The following PAFAH1B2 variants were observed in gnomAD, a reference collection of about 807,000 sequenced individuals.
PAFAH1B2 encodes the protein platelet activating factor acetylhydrolase 1b catalytic subunit 2.
Under a neutral mutation model 28.0 loss-of-function variants are expected in PAFAH1B2, and 8 were observed. That is an observed-to-expected ratio of 0.29 (90% CI 0.17 to 0.52). The LOEUF is 0.52. Among genes scored for constraint, PAFAH1B2 ranks in the 20% least tolerant of loss-of-function variants. PAFAH1B2 has a pLI of 0.97. For synonymous variants in PAFAH1B2, 104 were observed against 103.2 expected, an observed-to-expected ratio of 1.01 and a Z score of -0.05; for missense variants, 190 against 282.6, an observed-to-expected ratio of 0.67 and a Z score of 2.35.
rs1446211711 is a variant in PAFAH1B2 at position 117,170,987 on chromosome 11, T to A, written c.*3288T>A. On this transcript the variant is annotated 3_prime_UTR_variant, in exon 6 of 6. Coordinates refer to ENST00000527958, the MANE Select transcript of PAFAH1B2 (RefSeq NM_002572.4). ...TTTGCTTTGGCAAAGTTTCATTGAC[T>A]AGTAGAACTCATTCTGTTTTAGTGT... The A allele has an allele frequency of 3.8e-6, 4 of 1,048,180 alleles. No homozygotes were observed. In the African/African-American group the frequency reaches 6.7e-5, roughly 17 times the overall value. The allele number at this position is 1,048,180 out of a possible 1,614,324, so 64.9% of individuals were successfully genotyped here.
chr11:117,169,251 C>G lies in PAFAH1B2; in HGVS notation c.*1552C>G, dbSNP rs1417605033. ...GAGGTGTCTTATTAATGTACTTCAT[C>G]TGAGAATTTGTTGATCTTAATGTTC... On this transcript the variant is annotated 3_prime_UTR_variant, in exon 6 of 6. Transcript: ENST00000527958. The G allele has an allele frequency of 9.6e-6, 10 of 1,037,388 alleles. No homozygotes were observed. The East Asian group carries it at 3.6e-4, about 37-fold the overall frequency. The allele number at this position is 1,037,388 out of a possible 1,614,324, so 64.3% of individuals were successfully genotyped here.
At chr11:117,159,752 G>T in intron 2 of PAFAH1B2, 182 bp from the exon 3 acceptor site, 5 of 470,594 alleles carry the variant, frequency 1.1e-5, no homozygotes, top group Admixed American at 3.4e-5. Flanking sequence ...AAAAAAAAAA[G>T]AAAGAAAAAA....
chr11:117,168,118 T>C lies in PAFAH1B2; in HGVS notation c.*419T>C. 9.5e-7 allele frequency: 1 copy of C among 1,053,952 alleles called. No individual in the cohort carries two copies. Among genetic ancestry groups the C allele is most frequent in the East Asian group, 5.3e-5 (1 of 19,014 alleles). The allele number at this position is 1,053,952 out of a possible 1,614,324, so 65.3% of individuals were successfully genotyped here. On this transcript the variant is annotated 3_prime_UTR_variant, in exon 6 of 6. Transcript: ENST00000527958. Reference sequence around the variant, plus strand: ...GGCTTTAAAACATGTTTTCTCCAATTTTTTTAAGGTTCATAATTTAGCCTT... The same window carrying C: ...GGCTTTAAAACATGTTTTCTCCAATCTTTTTAAGGTTCATAATTTAGCCTT...
intron 3 of PAFAH1B2, 117 bp downstream of exon 3, chr11:117,160,140 T>G: frequency 1.3e-6 from 1 of 776,884 alleles, no homozygotes; most frequent in Admixed American, 2.0e-5. Context: ...AAGCCCTAAT[T>G]GAGGTTATAA....
At chr11:117,163,983 A>C in intron 5 of PAFAH1B2, 91 bp downstream of exon 5, 7 of 1,338,778 alleles carry the variant, frequency 5.2e-6, no homozygotes, top group Non-Finnish European at 7.4e-6. Flanking sequence ...ATATTAGAGA[A>C]CCTTGAGGTG....
chr11:117,169,400 A>C lies in PAFAH1B2; in HGVS notation c.*1701A>C. 1 of 1,052,392 alleles carries C rather than the reference A, an allele frequency of 9.5e-7. No homozygotes were observed. Among genetic ancestry groups the C allele is most frequent in the Non-Finnish European group, 1.1e-6 (1 of 871,166 alleles). The allele number at this position is 1,052,392 out of a possible 1,614,324, so 65.2% of individuals were successfully genotyped here. A position where few individuals can be genotyped will look rare whatever the true frequency, so the allele number is the denominator to read the frequency against. On this transcript the variant is annotated 3_prime_UTR_variant, in exon 6 of 6. Transcript: ENST00000527958. ...ACTGGACCAGGTGGGTATTGAAGTA[A>C]CCCATCAAAATATGCTCTGCAGTGA...
intron 1 of PAFAH1B2, among the ~76,000 whole-genome samples, chr11:117,144,747 C>CGCCCTGCCCTGCCCTGCCCT: frequency 6.6e-6 from 1 of 152,034 alleles, no homozygotes; most frequent in African/African-American, 2.4e-5. Flanking sequence ...CGCCCCGCCC[C>CGCCCTGCCCTGCCCTGCCCT]GCCCTGCCCT....
At chr11:117,161,369 AT>A (rs796234678) in intron 4 of PAFAH1B2, 108 bp downstream of exon 4, 5 of 642,732 alleles carry the variant, frequency 7.8e-6, no homozygotes, top group Admixed American at 3.0e-5. Context: ...CTATTTCACT[AT>A]TTTTTTCGTG....
intron 5 of PAFAH1B2, 79 bp from the exon 6 acceptor site, chr11:117,167,342 A>G (rs1956535545): frequency 7.3e-7 from 1 of 1,369,096 alleles, no homozygotes; most frequent in Non-Finnish European, 9.8e-7. Flanking sequence ...GAGATGTTCC[A>G]GGAATATCTG....
chr11:117,167,452 C>T lies in PAFAH1B2; in HGVS notation c.443C>T (p.Pro148Leu). Residue 148 changes from proline (P) to leucine (L), a missense_variant, in exon 6 of 6, where the codon CCT (proline) becomes CTT (leucine). Pro to Leu is a moderately conservative substitution (Grantham distance 98). Transcript: ENST00000527958. ...GLLPRGEKPN[P>L]LRQKNAKVNQ... is the part of the protein sequence containing the mutation. ...TTACCTCGAGGTGAGAAACCCAATC[C>T]TTTGAGGCAAAAGAACGCCAAGGTG... is the stretch of plus-strand genomic sequence containing the variant. 3 of 1,598,078 alleles carry T rather than the reference C, an allele frequency of 1.9e-6. No homozygotes were observed. Among genetic ancestry groups the T allele is most frequent in the Non-Finnish European group, 2.6e-6 (3 of 1,168,676 alleles).
At chr11:117,174,376 G>A (rs1956735756), downstream of PAFAH1B2, among the ~76,000 whole-genome samples, 1 of 151,778 alleles carries the variant, frequency 6.6e-6, no homozygotes, top group African/African-American at 2.4e-5. Flanking sequence ...CAGAGACGGG[G>A]TTTCACCATG....
At chr11:117,175,351 C>G, downstream of PAFAH1B2, 1 of 1,069,450 alleles carries the variant, frequency 9.4e-7, no homozygotes, top group Non-Finnish European at 1.1e-6. Flanking sequence ...TCCCAGTGGA[C>G]AGACCTCAGA....
intron 1 of PAFAH1B2, among the ~76,000 whole-genome samples, chr11:117,145,899 C>G (rs1048774654): frequency 2.0e-5 from 3 of 152,132 alleles, no homozygotes; most frequent in South Asian, 4.1e-4. Flanking sequence ...TTGCACTATG[C>G]TGGTATAAGC....
chr11:117,149,963 G>A (rs532371763), intron 1 of PAFAH1B2, among the ~76,000 whole-genome samples: 228 of 151,876 alleles, frequency 1.5e-3, no homozygotes, highest in Non-Finnish European at 2.9e-3. Flanking sequence ...TGGGTGTGGC[G>A]GTGCATGCCT....
intron 1 of PAFAH1B2, among the ~76,000 whole-genome samples, chr11:117,145,213 C>G (rs982894117): frequency 1.1e-4 from 16 of 152,286 alleles, no homozygotes; most frequent in African/African-American, 2.9e-4. Flanking sequence ...GTCCGTTTGC[C>G]AGATCCGTGC....
rs975830708 is a variant in PAFAH1B2 at position 117,168,951 on chromosome 11, C to T, written c.*1252C>T. The T allele has an allele frequency of 4.4e-5, 13 of 296,314 alleles. No homozygotes were observed. Among genetic ancestry groups the T allele is most frequent in the East Asian group, 8.7e-5 (1 of 11,556 alleles). The allele number at this position is 296,314 out of a possible 1,614,324, so 18.4% of individuals were successfully genotyped here. ...GATTACAGGTGCATGCCACCATGCCCGGCTAATTTTTATATTTTTATTAGA... is the reference window on the plus strand; with the variant it reads ...GATTACAGGTGCATGCCACCATGCCTGGCTAATTTTTATATTTTTATTAGA... On this transcript the variant is annotated 3_prime_UTR_variant, in exon 6 of 6. Coordinates refer to ENST00000527958, the MANE Select transcript of PAFAH1B2 (RefSeq NM_002572.4).
chr11:117,156,054 T>A (rs1425507031), intron 2 of PAFAH1B2, among the ~76,000 whole-genome samples: 1 of 152,074 alleles, frequency 6.6e-6, no homozygotes, highest in Non-Finnish European at 1.5e-5. Context: ...CTGGGCATGG[T>A]GGTGTGTGCC....
Position 117,169,360 on chromosome 11 carries a change from C to A in PAFAH1B2, c.*1661C>A. 4 of 1,050,670 alleles carry A rather than the reference C, an allele frequency of 3.8e-6. No homozygotes were observed. The highest frequency in any genetic ancestry group is 4.6e-6 in the Non-Finnish European group (4 of 870,162). The allele number at this position is 1,050,670 out of a possible 1,614,324, so 65.1% of individuals were successfully genotyped here. On this transcript the variant is annotated 3_prime_UTR_variant, in exon 6 of 6. Transcript: ENST00000527958. ...CCTGTGGAATATGTACAAACTGGAT[C>A]TATAGATATTTTGAACTGGACCAGG...
chr11:117,177,578 A>C (rs896010458), downstream of PAFAH1B2, among the ~76,000 whole-genome samples: 1 of 152,252 alleles, frequency 6.6e-6, no homozygotes, highest in Non-Finnish European at 1.5e-5. Context: ...GTTGCAGCCC[A>C]GGCTGGAGTG....
Sources: gnomAD v4.1 joint callset for allele counts (sites outside exome capture counted in the v4.1 genomes callset) on GRCh38, gnomAD v4.1.1 for gene constraint, MANE v1.5 for transcripts, NCBI Gene and HGNC (gene_info 2026-07-23, HGNC 2026-07-21) for gene names.